TET1: variants seen among roughly 807,000 people sequenced by gnomAD.
The protein encoded by TET1 is methylcytosine dioxygenase TET1.
Under a neutral mutation model 148.7 loss-of-function variants are expected in TET1, and 13 were observed. The observed-to-expected ratio is 0.09, with a 90% CI of 0.06 to 0.14. TET1 has a LOEUF of 0.14. TET1 is among the 10% of genes least tolerant of loss of function. TET1 has a pLI of 1.00. For synonymous variants in TET1, 907 were observed against 937.2 expected (o/e 0.97, Z 0.59); for missense variants, 2,182 against 2,553.8 (o/e 0.85, Z 3.14).
chr10:68,660,827 A>AT (rs759027548), intron 6 of TET1, among the ~76,000 whole-genome samples: 7 of 145,232 alleles, frequency 4.8e-5, no homozygotes, highest in East Asian at 2.1e-4. Context: ...AGCTCGACTA[A>AT]TTTTTTTTGT....
intron 2 of TET1, among the ~76,000 whole-genome samples, chr10:68,575,741 G>A (rs1006758794): frequency 7.2e-6 from 1 of 139,348 alleles, no homozygotes; most frequent in African/African-American, 2.8e-5. Context: ...AAATAAATAG[G>A]CCGGGCGCGG....
intron 2 of TET1, among the ~76,000 whole-genome samples, chr10:68,583,880 C>T (rs1290370459): frequency 6.6e-6 from 1 of 151,674 alleles, no homozygotes; most frequent in African/African-American, 2.4e-5. Flanking sequence ...CACTGCACAC[C>T]AGTCTGGCGA....
chr10:68,686,687 C>A lies in TET1; in HGVS notation c.5384C>A (p.Pro1795His), dbSNP rs745401695. The change falls in exon 11 of 12, where the codon CCT (proline) becomes CAT (histidine). Residue 1795 changes from proline to histidine, a missense_variant. Coordinates refer to ENST00000373644, the MANE Select transcript of TET1 (RefSeq NM_030625.3). Reference sequence around the variant, plus strand: ...TCAACAACAACAAACAACAGTAAGCCTTCGTCACTGCCAACCTTAGGTGAG... The same window carrying A: ...TCAACAACAACAAACAACAGTAAGCATTCGTCACTGCCAACCTTAGGTGAG... Reference protein sequence around the residue: ...NNSTTTNNSKPSSLPTLGSNT... With the variant: ...NNSTTTNNSKHSSLPTLGSNT... The A allele has an allele frequency of 1.9e-6, 3 of 1,613,194 alleles. No homozygotes were observed. The highest frequency in any genetic ancestry group is 2.5e-6 in the Non-Finnish European group (3 of 1,179,564).
At chr10:68,676,079 A>G (rs2055344677) in intron 8 of TET1, among the ~76,000 whole-genome samples, 1 of 148,092 alleles carries the variant, frequency 6.8e-6, no homozygotes, top group Non-Finnish European at 1.5e-5. Flanking sequence ...CTGGTCTTGT[A>G]CTCCTGACCC....
At chr10:68,638,698 C>G (rs925516167) in intron 3 of TET1, among the ~76,000 whole-genome samples, 1 of 150,464 alleles carries the variant, frequency 6.6e-6, no homozygotes, top group Non-Finnish European at 1.5e-5. Context: ...GTAGCTGTTT[C>G]TTTATGGGTT....
chr10:68,626,808 C>G (rs2054490182), intron 3 of TET1, among the ~76,000 whole-genome samples: 1 of 152,074 alleles, frequency 6.6e-6, no homozygotes, highest in Non-Finnish European at 1.5e-5. Flanking sequence ...CTCAGACTCC[C>G]AAAGTGCTGG....
chr10:68,642,683 C>A (rs2054776241), intron 3 of TET1, among the ~76,000 whole-genome samples: 1 of 152,064 alleles, frequency 6.6e-6, no homozygotes, highest in Non-Finnish European at 1.5e-5. Flanking sequence ...TGGCTCACTG[C>A]AACCTCTGCC....
At chr10:68,632,850 A>G (rs1564980472) in intron 3 of TET1, 16 of 764,776 alleles carry the variant, frequency 2.1e-5, no homozygotes, top group South Asian at 1.9e-4. Context: ...AAAAAAAAAA[A>G]AAGAAAGAAA....
chr10:68,643,516 G>C (rs745311037), intron 3 of TET1, among the ~76,000 whole-genome samples: 1 of 152,018 alleles, frequency 6.6e-6, no homozygotes, highest in Non-Finnish European at 1.5e-5. Context: ...CTTGAAAACA[G>C]TTTGTATCAA....
intron 7 of TET1, among the ~76,000 whole-genome samples, chr10:68,669,418 C>A (rs926284675): frequency 1.3e-4 from 19 of 147,910 alleles, no homozygotes; most frequent in African/African-American, 4.0e-4. Context: ...TCACGCCATT[C>A]TCCTGTCTCA....
intron 3 of TET1, among the ~76,000 whole-genome samples, chr10:68,643,299 T>G (rs1204091663): frequency 2.1e-5 from 3 of 142,500 alleles, no homozygotes; most frequent in Non-Finnish European, 3.1e-5. Context: ...AGAAAGAAAT[T>G]GAAACTATAG....
At chr10:68,622,332 TC>T (rs1241538506) in intron 3 of TET1, among the ~76,000 whole-genome samples, 1 of 149,936 alleles carries the variant, frequency 6.7e-6, no homozygotes, top group East Asian at 2.0e-4. Flanking sequence ...TGGCATGATC[TC>T]GGGTCACTGC....
intron 1 of TET1, among the ~76,000 whole-genome samples, chr10:68,561,743 T>C (rs1167774808): frequency 8.7e-6 from 1 of 114,762 alleles, no homozygotes; most frequent in Admixed American, 1.1e-4. Flanking sequence ...CGCCCCAGGC[T>C]CTTGAATATA....
chr10:68,583,075 T>G (rs541875581), intron 2 of TET1, among the ~76,000 whole-genome samples: 1 of 152,324 alleles, frequency 6.6e-6, no homozygotes, highest in Non-Finnish European at 1.5e-5. Flanking sequence ...AAGAAAAATT[T>G]GTAAAACTGG....
chr10:68,691,643 C>T lies in TET1; in HGVS notation c.6240C>T (p.Ala2080=), dbSNP rs1362932919. 6.2e-7 allele frequency: 1 copy of T among 1,614,122 alleles called. No individual in the cohort carries two copies. Among genetic ancestry groups the T allele is most frequent in the Non-Finnish European group, 8.5e-7 (1 of 1,180,020 alleles). The change falls in exon 12 of 12, where the codon GCC becomes GCT. Residue 2080 remains alanine, a synonymous_variant. Transcript: ENST00000373644. This position sits in a 1 kb window ranked among gnomAD's most constrained non-coding sequence, Gnocchi z 4.4. The stretch of plus-strand genomic sequence containing the variant: ...AAGCTAAGAATAAGAAAATGAAGGC[C>T]TCAGAGCAAAAAGACCAGGCAGCTA... ...AKEAKNKKMK[A]SEQKDQAANE... is the part of the protein sequence containing the mutation.
chr10:68,599,787 T>C (rs138636478), intron 2 of TET1, among the ~76,000 whole-genome samples: 44 of 152,312 alleles, frequency 2.9e-4, no homozygotes, highest in African/African-American at 1.1e-3. Flanking sequence ...CCCAAAGATA[T>C]GAGTCCGAAT....
At chr10:68,672,450 G>A (rs576146181) in intron 7 of TET1, among the ~76,000 whole-genome samples, 72 of 111,550 alleles carry the variant, frequency 6.5e-4, no homozygotes, top group African/African-American at 2.4e-3. Context: ...ATTGTGCCAC[G>A]GCAATCCACC....
chr10:68,641,779 G>T (rs970843644), intron 3 of TET1, among the ~76,000 whole-genome samples: 13 of 152,074 alleles, frequency 8.5e-5, no homozygotes, highest in Non-Finnish European at 1.9e-4. Context: ...GGGATTACAG[G>T]CATGAGCCAC....
chr10:68,642,274 A>G (rs189801158), intron 3 of TET1, among the ~76,000 whole-genome samples: 1 of 152,232 alleles, frequency 6.6e-6, no homozygotes, highest in Admixed American at 6.5e-5. Flanking sequence ...AAAAAATAGG[A>G]AAAATATAAA....
Sources: gnomAD v4.1 joint callset for allele counts (sites outside exome capture counted in the v4.1 genomes callset) on GRCh38, gnomAD v4.1.1 for gene constraint, Gnocchi (gnomAD v3.1) non-coding constraint, MANE v1.5 for transcripts, NCBI Gene and HGNC (gene_info 2026-07-23, HGNC 2026-07-21) for gene names.